QSOX1: variants seen among roughly 807,000 people sequenced by gnomAD.
The protein encoded by QSOX1 is sulfhydryl oxidase 1.
QSOX1 carries 40 observed loss-of-function variants against 76.1 expected under a neutral mutation model. The observed-to-expected ratio is 0.53, with a 90% CI of 0.41 to 0.68. The LOEUF (loss-of-function observed/expected upper bound fraction) is 0.68, where lower values mean the gene tolerates loss of function less well. QSOX1 is among the 30% of genes least tolerant of loss of function. The pLI, the probability that QSOX1 is intolerant of heterozygous loss-of-function variation, is 0.00. For synonymous variants in QSOX1, 392 were observed against 413.1 expected (o/e 0.95, Z 0.62); for missense variants, 931 against 974.3 (o/e 0.96, Z 0.59).
intron 2 of QSOX1, among the ~76,000 whole-genome samples, chr1:180,168,041 G>A (rs1055792520): frequency 1.3e-5 from 2 of 152,228 alleles, no homozygotes; most frequent in African/African-American, 4.8e-5. Context: ...GGGAGGGGTT[G>A]ACACTGGTAC....
At chr1:180,195,461 C>A (rs1663449276) in intron 11 of QSOX1, among the ~76,000 whole-genome samples, 1 of 152,194 alleles carries the variant, frequency 6.6e-6, no homozygotes, top group Non-Finnish European at 1.5e-5. Context: ...TAGTCAACAA[C>A]TTGTCCCCCT....
At chr1:180,195,294 A>T (rs1663443463) in intron 11 of QSOX1, among the ~76,000 whole-genome samples, 1 of 152,060 alleles carries the variant, frequency 6.6e-6, no homozygotes, top group Non-Finnish European at 1.5e-5. Flanking sequence ...GTCCTTTCAG[A>T]AGAAACTCAA....
At chr1:180,178,468 T>C (rs745373736) in intron 4 of QSOX1, among the ~76,000 whole-genome samples, 128 of 152,326 alleles carry the variant, frequency 8.4e-4, no homozygotes, top group Admixed American at 2.7e-3. Context: ...CCTCAGGTGA[T>C]CCACCCGCCT....
rs1046211586 is a variant in QSOX1, at chr1:180,189,445, C to T, written c.1018-107C>T. ...GCACAACCTCCTCCCCACTGCCCCC[C>T]GCCCCCCGCCCCCCGCCTTCTTCTG... On this transcript the variant is annotated intron_variant, in intron 8 of 11. Coordinates refer to ENST00000367602, the MANE Select transcript of QSOX1 (RefSeq NM_002826.5). The T allele has an allele frequency of 1.0e-4, 38 of 372,612 alleles. No homozygotes were observed. In the South Asian group the frequency reaches 1.1e-3, roughly 11 times the overall value. 23.1% of individuals were successfully genotyped at this position (372,612 alleles called of 1,614,324 possible).
rs1385964622 is a variant in QSOX1, at chr1:180,154,932, G to A, written c.25G>A (p.Gly9Arg). Residue 9 changes from glycine (G) to arginine (R), a missense_variant, in exon 1 of 12, where the codon GGG becomes AGG. Gly to Arg is a moderately radical substitution (Grantham distance 125). Transcript: ENST00000367602. Reference sequence around the variant, plus strand: ...GATGAGGAGGTGCAACAGCGGCTCCGGGCCGCCGCCGTCGCTGCTGCTGCT... The same window carrying A: ...GATGAGGAGGTGCAACAGCGGCTCCAGGCCGCCGCCGTCGCTGCTGCTGCT... MRRCNSGS[G>R]PPPSLLLLLL... is the part of the protein sequence containing the mutation. 1.4e-6 allele frequency: 2 copies of A among 1,475,902 alleles called. No individual in the cohort carries two copies. The highest frequency in any genetic ancestry group is 1.8e-6 in the Non-Finnish European group (2 of 1,122,136). 91.4% of individuals were successfully genotyped at this position (1,475,902 alleles called of 1,614,324 possible).
chr1:180,170,710 C>G (rs773837349), intron 2 of QSOX1, among the ~76,000 whole-genome samples: 2 of 152,212 alleles, frequency 1.3e-5, no homozygotes, highest in Non-Finnish European at 2.9e-5. Context: ...AGGGCACACG[C>G]CCCAGTGGTT....
intron 7 of QSOX1, among the ~76,000 whole-genome samples, chr1:180,184,286 G>A (rs547362428): frequency 7.1e-4 from 108 of 152,246 alleles, no homozygotes; most frequent in African/African-American, 2.5e-3. Context: ...GGGCTGACTG[G>A]GGAATGAACA....
chr1:180,154,874 G>C lies in QSOX1; in HGVS notation c.-34G>C. The C allele has an allele frequency of 7.3e-7, 1 of 1,370,196 alleles. No homozygotes were observed. The highest frequency in any genetic ancestry group is 9.4e-7 in the Non-Finnish European group (1 of 1,067,982). The allele number at this position is 1,370,196 out of a possible 1,614,324, so 84.9% of individuals were successfully genotyped here. A position where few individuals can be genotyped will look rare whatever the true frequency, so the allele number is the denominator to read the frequency against. On this transcript the variant is annotated 5_prime_UTR_variant, in exon 1 of 12. Coordinates refer to ENST00000367602, the MANE Select transcript of QSOX1 (RefSeq NM_002826.5). ...GCGGCGCCGGGACCCGACTCATCCG[G>C]TGCTTGCGTGTGGTGGTGAGCGCAG... is the stretch of plus-strand genomic sequence containing the variant.
intron 2 of QSOX1, among the ~76,000 whole-genome samples, chr1:180,172,520 A>T (rs939788005): frequency 6.6e-6 from 1 of 151,928 alleles, no homozygotes; most frequent in Non-Finnish European, 1.5e-5. Flanking sequence ...TTGCCTTTTT[A>T]AAATTTTTTT....
chr1:180,195,191 T>G (rs1382304887), intron 11 of QSOX1, among the ~76,000 whole-genome samples: 4 of 151,844 alleles, frequency 2.6e-5, no homozygotes, highest in Non-Finnish European at 5.9e-5. Flanking sequence ...CCCCTTGACC[T>G]CGGCAGGCTC....
chr1:180,172,140 C>T (rs980789013), intron 2 of QSOX1, among the ~76,000 whole-genome samples: 3 of 152,148 alleles, frequency 2.0e-5, no homozygotes, highest in Non-Finnish European at 4.4e-5. Context: ...AGGAGGGCCT[C>T]TCTTCATCCC....
chr1:180,196,249 C>T lies in QSOX1; in HGVS notation c.1469-13C>T. The T allele has an allele frequency of 6.2e-7, 1 of 1,600,700 alleles. No homozygotes were observed. Among genetic ancestry groups the T allele is most frequent in the Non-Finnish European group, 8.5e-7 (1 of 1,170,786 alleles). ...TGATGTCACCACCAGCCTGTGTATG[C>T]TTCCCTCTGTAGGTGCCCCCAGCGA... On this transcript the variant is annotated splice_polypyrimidine_tract_variant and intron_variant, in intron 11 of 11. Coordinates refer to ENST00000367602, the MANE Select transcript of QSOX1 (RefSeq NM_002826.5). The surrounding 1 kb of genome is among the most constrained non-coding windows in gnomAD (Gnocchi z 4.1).
Position 180,197,782 on chromosome 1 carries a change from TC to T in QSOX1, c.*751del. The T allele has an allele frequency of 3.9e-6, 1 of 258,134 alleles. No individual in the cohort carries two copies. Among genetic ancestry groups the T allele is most frequent in the Non-Finnish European group, 7.6e-6 (1 of 130,728 alleles). 16.0% of individuals were successfully genotyped at this position (258,134 alleles called of 1,614,324 possible). ...GCAGGAGAAGATGGCTGCTTTCACT[TC>T]CCCCCATTGAGCTCTGCTCCCTCTG... On this transcript the variant is annotated 3_prime_UTR_variant, in exon 12 of 12. Transcript: ENST00000367602.
intron 5 of QSOX1, among the ~76,000 whole-genome samples, chr1:180,181,738 A>T (rs762760377): frequency 7.9e-5 from 12 of 152,186 alleles, no homozygotes; most frequent in Non-Finnish European, 1.5e-4. Context: ...ATGTTATGAG[A>T]AGGCCCTGGG....
chr1:180,160,880 C>G (rs1312222344), intron 1 of QSOX1, among the ~76,000 whole-genome samples: 1 of 152,180 alleles, frequency 6.6e-6, no homozygotes, highest in African/African-American at 2.4e-5. Context: ...AGAACAGTTC[C>G]TGTTCTTAGT....
At position 180,198,178 on chromosome 1, in the gene QSOX1, C is replaced by T. The variant is rs1335052332; in HGVS notation, c.*1141C>T. Reference sequence around the variant, plus strand: ...TCCTGGCCACAGACTGCCCATAGAACTGTCTGCACCCAAACCCCATGGCCT... The same window carrying T: ...TCCTGGCCACAGACTGCCCATAGAATTGTCTGCACCCAAACCCCATGGCCT... On this transcript the variant is annotated 3_prime_UTR_variant, in exon 12 of 12. Transcript: ENST00000367602. 2.2e-6 allele frequency: 1 copy of T among 456,636 alleles called. No homozygotes were observed. Among genetic ancestry groups the T allele is most frequent in the African/African-American group, 2.0e-5 (1 of 50,094 alleles). The allele number at this position is 456,636 out of a possible 1,614,324, so 28.3% of individuals were successfully genotyped here.
chr1:180,194,509 GC>G, intron 11 of QSOX1, 117 bp downstream of exon 11: 1 of 1,010,562 alleles, frequency 9.9e-7, no homozygotes, highest in Non-Finnish European at 1.4e-6. Flanking sequence ...CTCAGTCACA[GC>G]CCAGGCCTGT....
Position 180,186,069 on chromosome 1 carries a change from G to T in QSOX1, c.904G>T (p.Ala302Ser). ...GGTCCTCAGCTCCAAGATCTACATG[G>T]CTGACCTGGAATCTGCACTGCACTA... ...KLADRSKIYM[A>S]DLESALHYIL... The change falls in exon 8 of 12, where the codon GCT (alanine) becomes TCT (serine). Residue 302 changes from alanine to serine, a missense_variant. Coordinates refer to ENST00000367602, the MANE Select transcript of QSOX1 (RefSeq NM_002826.5). 5 of 1,614,092 alleles carry T rather than the reference G, an allele frequency of 3.1e-6. No homozygotes were observed. Among genetic ancestry groups the T allele is most frequent in the Non-Finnish European group, 4.2e-6 (5 of 1,179,958 alleles).
Position 180,196,869 on chromosome 1 carries a change from G to A in QSOX1, c.2076G>A (p.Arg692=), listed in dbSNP as rs371333809. The change falls in exon 12 of 12, where the codon CGG becomes CGA. Residue 692 remains arginine, a synonymous_variant. Coordinates refer to ENST00000367602, the MANE Select transcript of QSOX1 (RefSeq NM_002826.5). This position sits in a 1 kb window ranked among gnomAD's most constrained non-coding sequence, Gnocchi z 4.1. ...GCCAGCTGGAGGCCCGAGCTGGACG[G>A]GGCCGAGGCCAGTGGCTGCAGGTGC... ...PEGQLEARAG[R]GRGQWLQVLG... The A allele has an allele frequency of 3.1e-6, 5 of 1,599,274 alleles. No homozygotes were observed. The African/African-American group carries it at 4.0e-5, about 13-fold the overall frequency.
Sources: gnomAD v4.1 joint callset for allele counts (sites outside exome capture counted in the v4.1 genomes callset) on GRCh38, gnomAD v4.1.1 for gene constraint, Gnocchi (gnomAD v3.1) non-coding constraint, MANE v1.5 for transcripts, NCBI Gene and HGNC (gene_info 2026-07-23, HGNC 2026-07-21) for gene names.